ANKFN1: variants seen among roughly 807,000 people sequenced by gnomAD.
The protein encoded by ANKFN1 is ankyrin repeat and fibronectin type III domain containing 1.
Under a neutral mutation model 108.7 loss-of-function variants are expected in ANKFN1, and 74 were observed. That is an observed-to-expected ratio of 0.68 (90% CI 0.56 to 0.83). The LOEUF (loss-of-function observed/expected upper bound fraction) is 0.83. Ranked by LOEUF, ANKFN1 falls within the 40% of genes least tolerant of loss-of-function variation. The pLI is 0.00. For synonymous variants in ANKFN1, 547 were observed against 516.2 expected (o/e 1.06, Z -0.81); for missense variants, 1,505 against 1,382.3 (o/e 1.09, Z -1.41).
intron 4 of ANKFN1, among the ~76,000 whole-genome samples, chr17:56,064,879 C>G (rs1905036011): frequency 6.6e-6 from 1 of 152,218 alleles, no homozygotes; most frequent in Non-Finnish European, 1.5e-5. Flanking sequence ...ATCTTCCAAT[C>G]TGTGGGTCGC....
chr17:56,366,440 T>C (rs2046664406), intron 6 of ANKFN1, among the ~76,000 whole-genome samples: 1 of 152,190 alleles, frequency 6.6e-6, no homozygotes, highest in South Asian at 2.1e-4. Flanking sequence ...AATTGTACAG[T>C]GTTTATGAAG....
At chr17:56,229,254 T>G (rs758558357) in intron 3 of ANKFN1, among the ~76,000 whole-genome samples, 4 of 152,136 alleles carry the variant, frequency 2.6e-5, no homozygotes, top group Non-Finnish European at 5.9e-5. Flanking sequence ...ATGCTATGAA[T>G]GTTTTAAGCA....
intron 3 of ANKFN1, among the ~76,000 whole-genome samples, chr17:56,264,834 T>G (rs1318073460): frequency 6.6e-6 from 1 of 152,206 alleles, no homozygotes; most frequent in Non-Finnish European, 1.5e-5. Context: ...GTCCATCTTA[T>G]TTGGGACCCA....
chr17:56,363,115 T>G (rs1366527630), intron 6 of ANKFN1, among the ~76,000 whole-genome samples: 1 of 151,910 alleles, frequency 6.6e-6, no homozygotes. Flanking sequence ...TCCCAGCTAC[T>G]CGGGAGGCTG....
Position 56,073,194 on chromosome 17 carries a change from G to A in ANKFN1, c.288+26869G>A, listed in dbSNP as rs529005176. ...TTTTTAGTAGAGACGGGGTTTCACC[G>A]TTTTAGCCGGGATGGTCTCGATCTC... On this transcript the variant is annotated intron_variant, in intron 4 of 12. Transcript: ENST00000635860. Among the ~76,000 whole-genome samples, 8 of 152,004 alleles carry A rather than the reference G, an allele frequency of 5.3e-5. No individual in the cohort carries two copies. In the South Asian group the frequency reaches 6.2e-4, roughly 12 times the overall value.
At chr17:56,207,155 A>C (rs1914610625) in intron 1 of ANKFN1, among the ~76,000 whole-genome samples, 1 of 152,132 alleles carries the variant, frequency 6.6e-6, no homozygotes, top group Admixed American at 6.5e-5. Context: ...TGCTTCCTAC[A>C]CTGGAATTCT....
At chr17:56,336,854 T>C (rs980546272) in intron 4 of ANKFN1, among the ~76,000 whole-genome samples, 2 of 152,220 alleles carry the variant, frequency 1.3e-5, no homozygotes, top group African/African-American at 2.4e-5. Context: ...CTTGTGGGCA[T>C]TTAGTGCTAT....
At chr17:56,374,282 T>C (rs1323677045) in intron 7 of ANKFN1, among the ~76,000 whole-genome samples, 1 of 152,188 alleles carries the variant, frequency 6.6e-6, no homozygotes, top group Admixed American at 6.5e-5. Flanking sequence ...ACTGACAATA[T>C]AGGATCCTGC....
chr17:56,451,151 G>A (rs1335712987), intron 11 of ANKFN1, among the ~76,000 whole-genome samples: 1 of 152,174 alleles, frequency 6.6e-6, no homozygotes, highest in Non-Finnish European at 1.5e-5. Context: ...TTTTGGAAAT[G>A]TTGAATTCTA....
At chr17:56,069,139 G>A (rs932397600) in intron 4 of ANKFN1, among the ~76,000 whole-genome samples, 7 of 152,114 alleles carry the variant, frequency 4.6e-5, no homozygotes, top group Admixed American at 3.9e-4. Context: ...CCATGAAAAT[G>A]TTTGTGTGGG....
intron 1 of ANKFN1, among the ~76,000 whole-genome samples, chr17:56,200,848 C>T (rs991149028): frequency 6.6e-6 from 1 of 152,184 alleles, no homozygotes; most frequent in African/African-American, 2.4e-5. Context: ...GAAGTCATCC[C>T]AATCCTCTAT....
chr17:56,391,368 A>ATGTGTGTGTG lies in ANKFN1; in HGVS notation c.910+16688_910+16697dup, dbSNP rs199687714. On this transcript the variant is annotated intron_variant, in intron 8 of 20. Coordinates refer to ENST00000682825, the MANE Select transcript of ANKFN1 (RefSeq NM_001370326.1). ...TGAAGGCCCAAGAATACATATATAT[A>ATGTGTGTGTG]TGTGTGTGTGTGTGTGTGTGTGTGT... Among the ~76,000 whole-genome samples, 108 of 128,738 alleles carry ATGTGTGTGTG rather than the reference A, an allele frequency of 8.4e-4. 1 individual carries two copies. Among genetic ancestry groups the ATGTGTGTGTG allele is most frequent in the Non-Finnish European group, 1.3e-3 (83 of 62,438 alleles). The allele number at this position is 128,738 out of a possible 152,430, so 84.5% of individuals were successfully genotyped here.
chr17:56,306,625 T>C (rs950664673), intron 3 of ANKFN1, among the ~76,000 whole-genome samples: 2 of 152,126 alleles, frequency 1.3e-5, no homozygotes, highest in Non-Finnish European at 2.9e-5. Flanking sequence ...GTAGAAAGAA[T>C]CAATATCGTG....
intron 1 of ANKFN1, among the ~76,000 whole-genome samples, chr17:56,186,281 C>T (rs1912196076): frequency 6.6e-6 from 1 of 151,498 alleles, no homozygotes; most frequent in African/African-American, 2.4e-5. Flanking sequence ...GGAGAGGGGC[C>T]GTGCCAGCCT....
intron 4 of ANKFN1, among the ~76,000 whole-genome samples, chr17:56,068,762 G>A (rs946911350): frequency 1.3e-5 from 2 of 152,152 alleles, no homozygotes; most frequent in Non-Finnish European, 2.9e-5. Flanking sequence ...ATGAGACAAT[G>A]AGTTCTTTGA....
chr17:56,408,004 G>A (rs113827398), intron 8 of ANKFN1, among the ~76,000 whole-genome samples: 52 of 135,262 alleles, frequency 3.8e-4, no homozygotes, highest in Non-Finnish European at 6.9e-4. Context: ...GCGTGATTTC[G>A]GCTCACTGCA....
At chr17:56,303,605 C>G (rs2044732615) in intron 3 of ANKFN1, among the ~76,000 whole-genome samples, 1 of 151,504 alleles carries the variant, frequency 6.6e-6, no homozygotes, top group African/African-American at 2.4e-5. Flanking sequence ...TTTAATTAAG[C>G]TTCTTATTTT....
At chr17:56,135,596 A>C (rs1400467764) in intron 4 of ANKFN1, among the ~76,000 whole-genome samples, 1 of 152,186 alleles carries the variant, frequency 6.6e-6, no homozygotes, top group East Asian at 1.9e-4. Context: ...AACTTGTTCC[A>C]GTCAGTGGGG....
At chr17:56,103,073 A>G (rs1340481634) in intron 4 of ANKFN1, among the ~76,000 whole-genome samples, 1 of 152,208 alleles carries the variant, frequency 6.6e-6, no homozygotes, top group Non-Finnish European at 1.5e-5. Context: ...TGCTACCTCT[A>G]TGATCCTGGG....
Sources: allele counts gnomAD v4.1 joint callset (sites outside exome capture counted in the v4.1 genomes callset), GRCh38; gene constraint gnomAD v4.1.1; transcripts MANE v1.5; gene names NCBI Gene and HGNC (gene_info 2026-07-23, HGNC 2026-07-21).